Variants in KIAA1549 observed in about 807,000 individuals in gnomAD.
KIAA1549 encodes KIAA1549.
KIAA1549 carries 70 observed loss-of-function variants against 156.4 expected under a neutral mutation model. That is an observed-to-expected ratio of 0.45 (90% CI 0.37 to 0.55). The LOEUF is 0.55. Ranked by LOEUF, KIAA1549 falls within the 20% of genes least tolerant of loss-of-function variation. The pLI, the probability that KIAA1549 is intolerant of heterozygous loss-of-function variation, is 0.00. For missense variants in KIAA1549, 2,428 were observed against 2,540.9 expected (o/e 0.96, Z 0.96); for synonymous variants, 1,103 against 1,066.4 (o/e 1.03, Z -0.67).
chr7:138,963,035 G>A (rs1275239275), intron 1 of KIAA1549, among the ~76,000 whole-genome samples: 1 of 152,184 alleles, frequency 6.6e-6, no homozygotes, highest in East Asian at 1.9e-4. Flanking sequence ...AGTTGCTAGA[G>A]GGCTGTGACT....
intron 16 of KIAA1549, among the ~76,000 whole-genome samples, chr7:138,856,434 T>C (rs904926478): frequency 6.6e-6 from 1 of 152,172 alleles, no homozygotes; most frequent in African/African-American, 2.4e-5. Flanking sequence ...GGCTCGCTGA[T>C]TCTTCCTCTT....
intron 9 of KIAA1549, 79 bp downstream of exon 9, chr7:138,898,876 T>C (rs1175519929): frequency 7.8e-7 from 1 of 1,274,100 alleles, no homozygotes; most frequent in Non-Finnish European, 1.1e-6. Context: ...TGCTTTACAT[T>C]CAGAGCTCAC....
At chr7:138,856,778 T>C (rs1020894094) in intron 16 of KIAA1549, among the ~76,000 whole-genome samples, 14 of 152,204 alleles carry the variant, frequency 9.2e-5, no homozygotes, top group African/African-American at 3.4e-4. Flanking sequence ...TAATTTTATG[T>C]ATCAACCTGA....
At chr7:138,914,668 T>C (rs913110665) in intron 2 of KIAA1549, among the ~76,000 whole-genome samples, 1 of 152,146 alleles carries the variant, frequency 6.6e-6, no homozygotes, top group Admixed American at 6.5e-5. Context: ...GTCAAAGGTA[T>C]CACCAGGAAC....
intron 1 of KIAA1549, among the ~76,000 whole-genome samples, chr7:138,974,423 GTA>G (rs1295075385): frequency 6.6e-6 from 1 of 152,016 alleles, no homozygotes; most frequent in Non-Finnish European, 1.5e-5. Context: ...TGCTATGGTA[GTA>G]TCTCAGTGGT....
At position 138,918,893 on chromosome 7, in the gene KIAA1549, T is replaced by A; in HGVS notation, c.733A>T (p.Thr245Ser). 1 of 1,613,884 alleles carries A rather than the reference T, an allele frequency of 6.2e-7. No homozygotes were observed. The highest frequency in any genetic ancestry group is 8.5e-7 in the Non-Finnish European group (1 of 1,179,874). ...AFRTSEGIVPTPGRNLVLYPT... is the reference protein window; with the variant it reads ...AFRTSEGIVPSPGRNLVLYPT... ...TAAAGCACCAAATTCCTGCCAGGAG[T>A]TGGAACGATGCCCTCAGAGGTGCGA... Residue 245 changes from threonine to serine, a missense_variant, in exon 2 of 20, where the codon ACT becomes TCT. This residue lies in a region of KIAA1549 where 893 missense variants were observed against 847.9 expected (regional missense o/e 1.05). Coordinates refer to ENST00000422774, the MANE Select transcript of KIAA1549 (RefSeq NM_001164665.2). The surrounding 1 kb of genome is among the most constrained non-coding windows in gnomAD (Gnocchi z 4.2).
intron 16 of KIAA1549, among the ~76,000 whole-genome samples, chr7:138,856,401 C>A (rs1233677243): frequency 2.0e-5 from 3 of 152,056 alleles, no homozygotes; most frequent in Admixed American, 2.0e-4. Flanking sequence ...GGCTCAGCAC[C>A]ATCCGCCATT....
intron 1 of KIAA1549, among the ~76,000 whole-genome samples, chr7:138,974,299 G>A (rs1466534066): frequency 1.3e-5 from 2 of 152,096 alleles, no homozygotes; most frequent in Admixed American, 6.5e-5. Context: ...GGATCTCGGT[G>A]AGGTGGAGGG....
intron 11 of KIAA1549, 37 bp downstream of exon 11, chr7:138,881,351 C>G (rs372018139): frequency 1.6e-4 from 249 of 1,583,740 alleles, no homozygotes; most frequent in Non-Finnish European, 2.1e-4. Flanking sequence ...GAAGCATGCT[C>G]TGCAACAAAG....
chr7:138,841,858 A>T (rs1034404482), intron 18 of KIAA1549, among the ~76,000 whole-genome samples: 11 of 150,856 alleles, frequency 7.3e-5, no homozygotes, highest in Non-Finnish European at 1.6e-4. Context: ...GAGCTATCGT[A>T]CCTGACCGAC....
In KIAA1549 at chr7:138,869,680, A is replaced by C; in HGVS notation, c.4633T>G (p.Tyr1545Asp). 6.2e-7 allele frequency: 1 copy of C among 1,612,462 alleles called. No individual in the cohort carries two copies. The highest frequency in any genetic ancestry group is 8.5e-7 in the Non-Finnish European group (1 of 1,179,856). ...IRLRAKRRGH[Y>D]EFPVVDDLSS... ...AGGTCGTCTACCACCGGGAACTCGTAGTGCCCGCGGCGCTTGGCGCGCAGG... is the reference window on the plus strand; with the variant it reads ...AGGTCGTCTACCACCGGGAACTCGTCGTGCCCGCGGCGCTTGGCGCGCAGG... The change falls in exon 14 of 20, where the codon TAC becomes GAC. Residue 1545 changes from tyrosine (Y) to aspartate (D), a missense_variant. By Grantham distance (160) the Tyr-to-Asp change is radical. Coordinates refer to ENST00000422774, the MANE Select transcript of KIAA1549 (RefSeq NM_001164665.2).
intron 1 of KIAA1549, among the ~76,000 whole-genome samples, chr7:138,922,415 G>T (rs1270464401): frequency 6.6e-6 from 1 of 151,928 alleles, no homozygotes; most frequent in Non-Finnish European, 1.5e-5. Flanking sequence ...AAAGTCAAGA[G>T]AAATCCCATG....
intron 10 of KIAA1549, among the ~76,000 whole-genome samples, chr7:138,886,672 C>T (rs769568588): frequency 6.6e-6 from 1 of 152,062 alleles, no homozygotes; most frequent in African/African-American, 2.4e-5. Flanking sequence ...ACAAAACTTA[C>T]AGTAAACACA....
chr7:138,916,873 A>G lies in KIAA1549; in HGVS notation c.2753T>C (p.Leu918Pro). The change falls in exon 2 of 20, where the codon CTG (leucine) becomes CCG (proline). Residue 918 changes from leucine to proline, a missense_variant. Leu to Pro is a moderately conservative substitution (Grantham distance 98). Transcript: ENST00000422774. Reference protein sequence around the residue: ...SPPESSAAPPLPSLRPVTAFT... With the variant: ...SPPESSAAPPPPSLRPVTAFT... The stretch of plus-strand genomic sequence containing the variant: ...GGCAGTCACGGGACGCAGGGATGGC[A>G]GGGGAGGAGCAGCACTACTCTCTGG... The G allele has an allele frequency of 6.2e-7, 1 of 1,613,898 alleles. No individual in the cohort carries two copies. The highest frequency in any genetic ancestry group is 1.3e-5 in the African/African-American group (1 of 75,028).
chr7:138,978,371 G>C lies in KIAA1549; in HGVS notation c.187+2712C>G, dbSNP rs114842967. On this transcript the variant is annotated intron_variant, in intron 1 of 19. Transcript: ENST00000422774. The stretch of plus-strand genomic sequence containing the variant: ...GTGAAGAAACTGGGCATGATTCTTT[G>C]TTTTTATACTGTGGATGGCTAATCA... Among the ~76,000 whole-genome samples, 561 of 152,246 alleles carry C rather than the reference G, an allele frequency of 3.7e-3. 3 individuals carry two copies. The highest frequency in any genetic ancestry group is 0.013 in the African/African-American group (542 of 41,550).
chr7:138,847,855 T>C (rs552464878), intron 17 of KIAA1549, among the ~76,000 whole-genome samples: 16 of 152,380 alleles, frequency 1.1e-4, no homozygotes, highest in South Asian at 4.1e-4. Context: ...TTTAAAATAC[T>C]GAGTTGTCCA....
intron 9 of KIAA1549, among the ~76,000 whole-genome samples, 186 bp from the exon 10 acceptor site, chr7:138,894,712 A>G (rs557536181): frequency 3.0e-4 from 46 of 152,352 alleles, no homozygotes; most frequent in African/African-American, 9.9e-4. Context: ...TGTTACATCT[A>G]GAATACATCA....
intron 1 of KIAA1549, among the ~76,000 whole-genome samples, chr7:138,978,733 T>G (rs1251642991): frequency 6.6e-6 from 1 of 152,182 alleles, no homozygotes; most frequent in African/African-American, 2.4e-5. Flanking sequence ...TACCACTGCT[T>G]ATTCCTTAGA....
intron 2 of KIAA1549, among the ~76,000 whole-genome samples, chr7:138,916,193 T>C (rs1812316280): frequency 6.6e-6 from 1 of 152,186 alleles, no homozygotes; most frequent in Non-Finnish European, 1.5e-5. Flanking sequence ...CAAAGTGCAG[T>C]CTCCTTTCAA....
Sources: allele counts gnomAD v4.1 joint callset (sites outside exome capture counted in the v4.1 genomes callset), GRCh38; gene constraint gnomAD v4.1.1; regional missense constraint gnomAD v4.1.1; non-coding constraint Gnocchi (gnomAD v3.1); transcripts MANE v1.5; gene names NCBI Gene and HGNC (gene_info 2026-07-23, HGNC 2026-07-21).